The following TBC1D19 variants were observed in gnomAD, a reference collection of about 807,000 sequenced individuals.
The protein encoded by TBC1D19 is TBC1 domain family, member 19.
Under a neutral mutation model 89.0 loss-of-function variants are expected in TBC1D19, and 60 were observed. The observed-to-expected ratio is 0.67, with a 90% CI of 0.55 to 0.84. TBC1D19 has a LOEUF of 0.84. TBC1D19 is among the 40% of genes least tolerant of loss of function. The pLI is 0.00. For missense variants in TBC1D19, 500 were observed against 610.8 expected, an observed-to-expected ratio of 0.82 and a Z score of 1.91; for synonymous variants, 189 against 199.7, an observed-to-expected ratio of 0.95 and a Z score of 0.45.
At chr4:26,660,238 C>G (rs887204992) in intron 8 of TBC1D19, among the ~76,000 whole-genome samples, 1 of 152,060 alleles carries the variant, frequency 6.6e-6, no homozygotes, top group Non-Finnish European at 1.5e-5. Flanking sequence ...AATTATCACT[C>G]CTTCTTTCAA....
the TBC1D19 span, among the ~76,000 whole-genome samples, chr4:26,814,933 G>A: frequency 3.9e-4 from 59 of 151,692 alleles, no homozygotes; most frequent in African/African-American, 1.4e-3. Context: ...GAGGTGGGAG[G>A]ATCACCGGGA....
chr4:26,841,344 C>T, the TBC1D19 span, among the ~76,000 whole-genome samples: 3 of 151,520 alleles, frequency 2.0e-5, no homozygotes, highest in East Asian at 5.8e-4. Flanking sequence ...TGAGATCACC[C>T]CACTGCACTC....
chr4:26,821,078 G>C, the TBC1D19 span, among the ~76,000 whole-genome samples: 1 of 152,168 alleles, frequency 6.6e-6, no homozygotes, highest in Non-Finnish European at 1.5e-5. Context: ...TATGGCGCCT[G>C]GAAGAAAGGA....
chr4:26,792,417 G>C, the TBC1D19 span, among the ~76,000 whole-genome samples: 1 of 152,182 alleles, frequency 6.6e-6, no homozygotes, highest in African/African-American at 2.4e-5. Context: ...ATTCAAGAAA[G>C]AATAGGATGA....
the TBC1D19 span, among the ~76,000 whole-genome samples, chr4:26,774,468 G>A: frequency 6.6e-6 from 1 of 152,088 alleles, no homozygotes; most frequent in African/African-American, 2.4e-5. Flanking sequence ...ATTTCACTTA[G>A]CAATGTTGTC....
intron 4 of TBC1D19, among the ~76,000 whole-genome samples, chr4:26,628,829 A>G (rs1006874963): frequency 6.6e-6 from 1 of 151,998 alleles, no homozygotes; most frequent in African/African-American, 2.4e-5. Flanking sequence ...TTCAAGGAGA[A>G]CTACAAACCA....
rs568094661 is a variant in TBC1D19 at position 26,633,983 on chromosome 4, A to G, written c.295-3228A>G. On this transcript the variant is annotated intron_variant, in intron 4 of 20. Transcript: ENST00000264866. The stretch of plus-strand genomic sequence containing the variant: ...ATGTAATGACTTCACTTTTTCTCAA[A>G]TCATATTTGGAGTCTATGGGTATGC... Among the ~76,000 whole-genome samples, 36 of 152,016 alleles carry G rather than the reference A, an allele frequency of 2.4e-4. No homozygotes were observed. In the South Asian group the frequency reaches 7.1e-3, roughly 30 times the overall value.
chr4:26,589,307 A>T (rs1739622681), intron 1 of TBC1D19, among the ~76,000 whole-genome samples: 1 of 151,788 alleles, frequency 6.6e-6, no homozygotes, highest in South Asian at 2.1e-4. Flanking sequence ...ACAACAACAA[A>T]ACCCAGTAGT....
At chr4:26,854,209 T>C in the TBC1D19 span, among the ~76,000 whole-genome samples, 4 of 152,352 alleles carry the variant, frequency 2.6e-5, no homozygotes, top group African/African-American at 7.2e-5. Flanking sequence ...CAGAATTTCA[T>C]GGTGACAGAT....
At chr4:26,742,911 A>G (rs1364882105) in intron 18 of TBC1D19, among the ~76,000 whole-genome samples, 1 of 152,164 alleles carries the variant, frequency 6.6e-6, no homozygotes, top group Non-Finnish European at 1.5e-5. Flanking sequence ...TGTGGAAACA[A>G]ATACTACCTG....
At chr4:26,840,352 G>A in the TBC1D19 span, among the ~76,000 whole-genome samples, 1 of 152,150 alleles carries the variant, frequency 6.6e-6, no homozygotes, top group African/African-American at 2.4e-5. Context: ...AAAGTCCTGG[G>A]ATTACAGGTG....
chr4:26,650,947 T>C (rs1744322941), intron 7 of TBC1D19, among the ~76,000 whole-genome samples: 1 of 152,236 alleles, frequency 6.6e-6, no homozygotes. Context: ...TAGCCAGTTT[T>C]CCCAGCACCA....
At chr4:26,827,385 A>T in the TBC1D19 span, among the ~76,000 whole-genome samples, 3 of 152,336 alleles carry the variant, frequency 2.0e-5, no homozygotes, top group East Asian at 5.8e-4. Flanking sequence ...GAGGCAGATC[A>T]CTTGAGGCCA....
chr4:26,628,537 G>T (rs1742583442), intron 4 of TBC1D19, among the ~76,000 whole-genome samples: 3 of 151,992 alleles, frequency 2.0e-5, no homozygotes, highest in African/African-American at 7.2e-5. Flanking sequence ...GGAAATAAAG[G>T]GTATTCAATT....
At chr4:26,611,181 A>T (rs1024361464) in intron 1 of TBC1D19, among the ~76,000 whole-genome samples, 7 of 152,012 alleles carry the variant, frequency 4.6e-5, no homozygotes, top group African/African-American at 1.7e-4. Context: ...TTTGATTTGC[A>T]TTTCTTTAGT....
intron 1 of TBC1D19, among the ~76,000 whole-genome samples, chr4:26,592,492 A>G (rs184066147): frequency 6.6e-6 from 1 of 152,066 alleles, no homozygotes; most frequent in Non-Finnish European, 1.5e-5. Context: ...GGCCAGGGCA[A>G]TCAGGCAGGT....
chr4:26,802,771 G>A, the TBC1D19 span, among the ~76,000 whole-genome samples: 1 of 152,224 alleles, frequency 6.6e-6, no homozygotes, highest in Non-Finnish European at 1.5e-5. Flanking sequence ...TTATTAGAAT[G>A]ATAATGTATT....
At position 26,725,648 on chromosome 4, in the gene TBC1D19, A is replaced by C. The variant is rs2109282766; in HGVS notation, c.1084+5523A>C. Among the ~76,000 whole-genome samples the C allele has an allele frequency of 1.3e-5, 2 of 152,220 alleles. 1 individual carries two copies. Among genetic ancestry groups the C allele is most frequent in the South Asian group, 4.1e-4 (2 of 4,824 alleles). On this transcript the variant is annotated intron_variant, in intron 15 of 20. Coordinates refer to ENST00000264866, the MANE Select transcript of TBC1D19 (RefSeq NM_018317.4). The stretch of plus-strand genomic sequence containing the variant: ...GGCTAGTCTTGAACACCTGGTCTCA[A>C]GCAATCCGCCCACCTCAGCCTCCTA...
In TBC1D19 at chr4:26,589,744, T is replaced by A. The variant is rs548616485; in HGVS notation, c.99+5452T>A. ...ATTTTCCTATGAGGTTGAGGGTTTTTGTATCTATCCCACCCCCAAAAGCAG... is the reference window on the plus strand; with the variant it reads ...ATTTTCCTATGAGGTTGAGGGTTTTAGTATCTATCCCACCCCCAAAAGCAG... On this transcript the variant is annotated intron_variant, in intron 1 of 20. Transcript: ENST00000264866. 1.6e-4 allele frequency among the ~76,000 whole-genome samples: 24 copies of A among 152,296 alleles called. No homozygotes were observed. In the South Asian group the frequency reaches 4.8e-3, roughly 30 times the overall value.
Sources: gnomAD v4.1 joint callset for allele counts (sites outside exome capture counted in the v4.1 genomes callset) on GRCh38, gnomAD v4.1.1 for gene constraint, MANE v1.5 for transcripts, NCBI Gene and HGNC (gene_info 2026-07-23, HGNC 2026-07-21) for gene names.